Variants in DCC observed in about 807,000 individuals in gnomAD.
DCC encodes DCC netrin 1 receptor.
In DCC, 58 loss-of-function variants were observed where a neutral mutation model predicts 172.5. The ratio of observed to expected loss-of-function variants is 0.34; its 90% CI spans 0.27 to 0.42. The LOEUF is 0.42. Among genes scored for constraint, DCC ranks in the 10% least tolerant of loss-of-function variants. The probability of loss-of-function intolerance (pLI) is 1.00; values close to 1 mark genes in which losing one functional copy is unlikely to be tolerated. For missense variants in DCC, 1,740 were observed against 1,791.0 expected (o/e 0.97, Z 0.51); for synonymous variants, 709 against 644.5 (o/e 1.10, Z -1.52).
chr18:53,122,507 A>G (rs560924852), intron 7 of DCC, among the ~76,000 whole-genome samples: 8 of 151,300 alleles, frequency 5.3e-5, no homozygotes, highest in Non-Finnish European at 7.4e-5. Context: ...TTTCATTAAG[A>G]TACAGATTTT....
intron 7 of DCC, among the ~76,000 whole-genome samples, chr18:53,079,938 A>G (rs1046821619): frequency 3.9e-5 from 6 of 152,182 alleles, no homozygotes; most frequent in African/African-American, 1.4e-4. Flanking sequence ...GAATATACAA[A>G]GAAAATTGGA....
intron 1 of DCC, among the ~76,000 whole-genome samples, chr18:52,543,573 G>C (rs901989584): frequency 6.6e-6 from 1 of 152,212 alleles, no homozygotes; most frequent in Non-Finnish European, 1.5e-5. Flanking sequence ...GCACTGTGTG[G>C]TCAAGAAACA....
chr18:52,732,726 T>C (rs1053495772), intron 1 of DCC, among the ~76,000 whole-genome samples: 1 of 152,172 alleles, frequency 6.6e-6, no homozygotes, highest in African/African-American at 2.4e-5. Flanking sequence ...TTTGGGCAAA[T>C]TATAATTTGT....
At position 53,093,827 on chromosome 18, in the gene DCC, T is replaced by C. The variant is rs113121041; in HGVS notation, c.1261+27661T>C. On this transcript the variant is annotated intron_variant, in intron 7 of 28. Coordinates refer to ENST00000442544, the MANE Select transcript of DCC (RefSeq NM_005215.4). ...GCTTCATCTATTAGGCATGACAGATTTGTATTCAGCGATAAACGCCTGACC... is the reference window on the plus strand; with the variant it reads ...GCTTCATCTATTAGGCATGACAGATCTGTATTCAGCGATAAACGCCTGACC... Among the ~76,000 whole-genome samples the C allele has an allele frequency of 7.7e-3, 1,177 of 152,248 alleles. 15 individuals are homozygous for C. The highest frequency in any genetic ancestry group is 0.028 in the African/African-American group (1,148 of 41,560).
chr18:52,541,891 A>ATATATATATATATATG (rs1449522752), intron 1 of DCC, among the ~76,000 whole-genome samples: 2 of 115,798 alleles, frequency 1.7e-5, no homozygotes, highest in East Asian at 2.6e-4. Flanking sequence ...ATATATATAT[A>ATATATATATATATATG]TATATGTGTA....
At chr18:52,908,284 A>C in intron 3 of DCC, among the ~76,000 whole-genome samples, 1 of 152,228 alleles carries the variant, frequency 6.6e-6, no homozygotes, top group East Asian at 1.9e-4. Context: ...CTACTCCATT[A>C]GTCACAGGGA....
chr18:53,053,205 G>A (rs2042357968), intron 5 of DCC, among the ~76,000 whole-genome samples: 1 of 151,912 alleles, frequency 6.6e-6, no homozygotes, highest in South Asian at 2.1e-4. Flanking sequence ...GGAAAACTTG[G>A]GGCTATTCAT....
At chr18:52,587,327 A>G (rs1144091) in intron 1 of DCC, among the ~76,000 whole-genome samples, 148,027 of 152,286 alleles carry the variant, frequency 0.97, 72,104 homozygotes, top group Middle Eastern at 1. Context: ...TTGTTCATAG[A>G]CCCATTGGGC....
intron 1 of DCC, among the ~76,000 whole-genome samples, chr18:52,367,352 C>G (rs1984925469): frequency 6.6e-6 from 1 of 152,212 alleles, no homozygotes; most frequent in Non-Finnish European, 1.5e-5. Flanking sequence ...GGGGCTCCTA[C>G]AGTGCAGTGG....
At chr18:53,193,427 A>C (rs1187978889) in intron 9 of DCC, among the ~76,000 whole-genome samples, 1 of 152,162 alleles carries the variant, frequency 6.6e-6, no homozygotes, top group Non-Finnish European at 1.5e-5. Flanking sequence ...TGCCAGATAT[A>C]ATTCATATAT....
chr18:53,171,772 A>G (rs992519639), intron 8 of DCC, among the ~76,000 whole-genome samples: 1 of 152,140 alleles, frequency 6.6e-6, no homozygotes, highest in African/African-American at 2.4e-5. Context: ...CATATGAAAA[A>G]ACTGCTCAAC....
At chr18:53,409,262 C>A (rs999341774) in intron 19 of DCC, among the ~76,000 whole-genome samples, 6 of 152,244 alleles carry the variant, frequency 3.9e-5, no homozygotes, top group Admixed American at 1.3e-4. Context: ...TGAGAACCCT[C>A]TGACATAACC....
intron 12 of DCC, among the ~76,000 whole-genome samples, chr18:53,226,094 C>T (rs192649199): frequency 1.8e-4 from 28 of 152,278 alleles, no homozygotes; most frequent in African/African-American, 6.5e-4. Flanking sequence ...CAGTGTCACA[C>T]AGAGAAGGGC....
At chr18:53,103,556 G>C (rs117269392) in intron 7 of DCC, among the ~76,000 whole-genome samples, 2 of 151,936 alleles carry the variant, frequency 1.3e-5, no homozygotes, top group Non-Finnish European at 2.9e-5. Flanking sequence ...GTTCATCCAT[G>C]ATTAAAATAA....
chr18:52,810,555 G>A (rs1040362809), intron 2 of DCC, among the ~76,000 whole-genome samples: 1 of 152,180 alleles, frequency 6.6e-6, no homozygotes, highest in African/African-American at 2.4e-5. Flanking sequence ...ACATAGGGAT[G>A]TTCCCCCTAC....
At chr18:52,915,135 C>A (rs916194625) in intron 3 of DCC, among the ~76,000 whole-genome samples, 5 of 152,188 alleles carry the variant, frequency 3.3e-5, no homozygotes, top group Non-Finnish European at 7.4e-5. Context: ...AATTTAATTT[C>A]TCTGTGTCTC....
intron 15 of DCC, among the ~76,000 whole-genome samples, chr18:53,350,233 G>C (rs1466615879): frequency 6.6e-6 from 1 of 152,064 alleles, no homozygotes; most frequent in African/African-American, 2.4e-5. Flanking sequence ...AATCGAACTC[G>C]TTCACCGCCA....
chr18:53,208,835 T>G (rs1039545066), intron 11 of DCC, among the ~76,000 whole-genome samples: 2 of 152,152 alleles, frequency 1.3e-5, no homozygotes, highest in East Asian at 1.9e-4. Flanking sequence ...GTTTAAGTGA[T>G]TCTCCTGCCC....
intron 23 of DCC, among the ~76,000 whole-genome samples, chr18:53,455,437 C>T (rs1392117649): frequency 6.6e-6 from 1 of 151,946 alleles, no homozygotes; most frequent in East Asian, 1.9e-4. Flanking sequence ...ATTCACATCC[C>T]CAGCATACTA....
Sources: gnomAD v4.1 joint callset for allele counts (sites outside exome capture counted in the v4.1 genomes callset) on GRCh38, gnomAD v4.1.1 for gene constraint, MANE v1.5 for transcripts, NCBI Gene and HGNC (gene_info 2026-07-23, HGNC 2026-07-21) for gene names.